The following PIWIL1 variants were observed in gnomAD, a reference collection of about 807,000 sequenced individuals.
PIWIL1 encodes the protein piwi like RNA-mediated gene silencing 1.
In PIWIL1, 73 loss-of-function variants were observed where a neutral mutation model predicts 114.4. That is an observed-to-expected ratio of 0.64 (90% CI 0.53 to 0.78). The LOEUF (loss-of-function observed/expected upper bound fraction) is 0.78, where lower values mean the gene tolerates loss of function less well. PIWIL1 is among the 30% of genes least tolerant of loss of function. The probability of loss-of-function intolerance (pLI) is 0.00; values close to 1 mark genes in which losing one functional copy is unlikely to be tolerated. For missense variants in PIWIL1, 723 were observed against 1,063.1 expected (o/e 0.68, Z 4.45); for synonymous variants, 375 against 369.0 (o/e 1.02, Z -0.19).
chr12:130,392,031 A>G, the PIWIL1 span, among the ~76,000 whole-genome samples: 65 of 152,100 alleles, frequency 4.3e-4, no homozygotes, highest in African/African-American at 1.5e-3. Context: ...TGCGTCAGTT[A>G]CCTGGTGAAT....
intron 4 of PIWIL1, 112 bp downstream of exon 4, chr12:130,345,990 C>A: frequency 9.1e-7 from 1 of 1,095,674 alleles, no homozygotes; most frequent in Admixed American, 2.7e-5. Context: ...CATGGCTTTT[C>A]GATTTTCCTC....
At chr12:130,370,962 A>T (rs1221638408) in intron 19 of PIWIL1, among the ~76,000 whole-genome samples, 4 of 152,224 alleles carry the variant, frequency 2.6e-5, no homozygotes, top group Non-Finnish European at 5.9e-5. Context: ...CAAAATCATC[A>T]TCTTTATGAT....
intron 8 of PIWIL1, 94 bp from the exon 9 acceptor site, chr12:130,349,762 G>T: frequency 1.3e-6 from 1 of 745,528 alleles, no homozygotes; most frequent in South Asian, 2.0e-5. Flanking sequence ...CAGGTGATTT[G>T]AAATTTTAGA....
the PIWIL1 span, among the ~76,000 whole-genome samples, chr12:130,404,132 T>C: frequency 3.9e-5 from 6 of 152,152 alleles, no homozygotes; most frequent in African/African-American, 1.4e-4. Context: ...AATGACAATC[T>C]GTGGGAACCC....
At position 130,361,599 on chromosome 12, in the gene PIWIL1, C is replaced by T. The variant is rs1413223843; in HGVS notation, c.1968C>T (p.Thr656=). The T allele has an allele frequency of 6.2e-7, 1 of 1,612,922 alleles. No individual in the cohort carries two copies. Among genetic ancestry groups the T allele is most frequent in the Non-Finnish European group, 8.5e-7 (1 of 1,179,002 alleles). ...GFVASINEGM[T]RWFSRCIFQD... ...TTGCCAGCATCAATGAAGGGATGACCCGGTGAGTGAGACTGGGCTACTGTG... is the reference window on the plus strand; with the variant it reads ...TTGCCAGCATCAATGAAGGGATGACTCGGTGAGTGAGACTGGGCTACTGTG... The change falls in exon 16 of 21, where the codon ACC becomes ACT. Residue 656 remains threonine (T), a splice_region_variant and synonymous_variant. Coordinates refer to ENST00000245255, the MANE Select transcript of PIWIL1 (RefSeq NM_004764.5).
chr12:130,347,153 C>T, intron 6 of PIWIL1, 91 bp downstream of exon 6: 4 of 984,332 alleles, frequency 4.1e-6, no homozygotes, highest in Non-Finnish European at 6.2e-6. Context: ...CCTAGATTTT[C>T]AGCATTGGTT....
chr12:130,376,492 A>C (rs556925313), downstream of PIWIL1, among the ~76,000 whole-genome samples: 1 of 152,206 alleles, frequency 6.6e-6, no homozygotes, highest in African/African-American at 2.4e-5. Flanking sequence ...TCCAGACCGC[A>C]TTTGACAACC....
chr12:130,419,545 T>TA, the PIWIL1 span: 1 of 152,248 alleles, frequency 6.6e-6, no homozygotes, highest in South Asian at 2.1e-4. The surrounding 1 kb of genome is among the most constrained non-coding windows in gnomAD (Gnocchi z 4.3). Context: ...TGATTTTTTT[T>TA]ATTGCAGGGA....
the PIWIL1 span, chr12:130,414,370 A>T: frequency 6.8e-7 from 1 of 1,480,686 alleles, no homozygotes; most frequent in African/African-American, 1.4e-5. Flanking sequence ...GTGCACGGGA[A>T]ATGCAGCTTT....
At chr12:130,352,258 CAG>C (rs1194771687) in intron 9 of PIWIL1, among the ~76,000 whole-genome samples, 3 of 152,094 alleles carry the variant, frequency 2.0e-5, no homozygotes, top group Non-Finnish European at 2.9e-5. Flanking sequence ...ATCTAGGAAA[CAG>C]AGTAGAAGAA....
chr12:130,414,174 G>A, the PIWIL1 span: 3 of 1,614,124 alleles, frequency 1.9e-6, no homozygotes, highest in African/African-American at 1.3e-5. Flanking sequence ...TGCAGCATCT[G>A]GGTTTGGGGA....
At chr12:130,352,650 C>T (rs193234095) in intron 9 of PIWIL1, among the ~76,000 whole-genome samples, 8 of 152,170 alleles carry the variant, frequency 5.3e-5, no homozygotes, top group Admixed American at 1.3e-4. Context: ...CCAGCCTGGG[C>T]GACAGAATGA....
the PIWIL1 span, chr12:130,414,242 G>A: frequency 9.3e-6 from 15 of 1,613,818 alleles, no homozygotes; most frequent in African/African-American, 6.7e-5. Context: ...GGAGCTCTTC[G>A]GCACCAGGGT....
intron 18 of PIWIL1, among the ~76,000 whole-genome samples, chr12:130,363,501 T>C (rs2073569873): frequency 6.6e-6 from 1 of 152,128 alleles, no homozygotes; most frequent in Admixed American, 6.5e-5. Context: ...CTGACAGTCT[T>C]AGCTTACTGA....
the PIWIL1 span, chr12:130,399,064 T>C: frequency 9.8e-7 from 1 of 1,024,834 alleles, no homozygotes; most frequent in East Asian, 2.9e-5. Context: ...CTGGCCCGGT[T>C]AAGGTAGCTT....
chr12:130,366,619 T>C (rs1342869153), intron 18 of PIWIL1: 2 of 152,514 alleles, frequency 1.3e-5, no homozygotes, highest in African/African-American at 2.4e-5. Context: ...AACACGAGTA[T>C]GAAAATGAAG....
At chr12:130,410,087 A>T in the PIWIL1 span, among the ~76,000 whole-genome samples, 3 of 152,218 alleles carry the variant, frequency 2.0e-5, no homozygotes, top group Admixed American at 2.0e-4. Flanking sequence ...AGCCATTCTC[A>T]GTGTGTGTGC....
chr12:130,407,745 G>A, the PIWIL1 span: 4 of 1,614,032 alleles, frequency 2.5e-6, no homozygotes, highest in Non-Finnish European at 2.5e-6. Flanking sequence ...GACGTTGGGC[G>A]AGCTTTCTCT....
In PIWIL1 at chr12:130,361,516, G is replaced by A. The variant is rs201853462; in HGVS notation, c.1885G>A (p.Val629Ile). The A allele has an allele frequency of 1.6e-5, 26 of 1,613,988 alleles. No homozygotes were observed. Among genetic ancestry groups the A allele is most frequent in the Non-Finnish European group, 1.8e-5 (21 of 1,180,016 alleles). ...VDIPLKLVMI[V>I]GIDCYHDMTA... is the part of the protein sequence containing the mutation. ...ATTGAAGCTGAAGCTCGTGATGATC[G>A]TTGGCATCGATTGTTACCATGACAT... Residue 629 changes from valine (V) to isoleucine (I), a missense_variant, in exon 16 of 21, where the codon GTT becomes ATT. Val to Ile is a conservative substitution (Grantham distance 29). Around this residue, in one of 8 missense-constraint regions of PIWIL1, gnomAD observed 298 missense variants for 420.8 expected, o/e 0.71. Transcript: ENST00000245255.
Sources: gnomAD v4.1 joint callset for allele counts (sites outside exome capture counted in the v4.1 genomes callset) on GRCh38, gnomAD v4.1.1 for gene constraint, gnomAD v4.1.1 regional missense constraint, Gnocchi (gnomAD v3.1) non-coding constraint, MANE v1.5 for transcripts, NCBI Gene and HGNC (gene_info 2026-07-23, HGNC 2026-07-21) for gene names.